POLE: variants seen among roughly 807,000 people sequenced by gnomAD.
POLE encodes DNA polymerase epsilon catalytic subunit A.
A neutral mutation model predicts 279.2 loss-of-function variants in POLE; 188 were observed. The ratio of observed to expected loss-of-function variants is 0.67; its 90% CI spans 0.60 to 0.76. The LOEUF is 0.76. POLE is among the 30% of genes least tolerant of loss of function. The pLI, the probability that POLE is intolerant of heterozygous loss-of-function variation, is 0.00. For missense variants in POLE, 2,703 were observed against 3,016.7 expected (o/e 0.90, Z 2.44); for synonymous variants, 1,214 against 1,172.5 (o/e 1.04, Z -0.72).
At chr12:132,666,059 A>G (rs1487532257) in intron 20 of POLE, among the ~76,000 whole-genome samples, 1 of 152,202 alleles carries the variant, frequency 6.6e-6, no homozygotes, top group Non-Finnish European at 1.5e-5. Flanking sequence ...ATATGACCCA[A>G]CAACTCTACT....
Position 132,675,995 on chromosome 12 carries a change from C to T in POLE, c.1020+99G>A. The T allele has an allele frequency of 2.1e-6, 2 of 947,378 alleles. No individual in the cohort carries two copies. The highest frequency in any genetic ancestry group is 2.1e-5 in the Admixed American group (1 of 46,608). The allele number at this position is 947,378 out of a possible 1,614,324, so 58.7% of individuals were successfully genotyped here. ...TACCCTGAGAACAAAGCTCATGGAG[C>T]TGCAATTCTGATCTGACGGAATGCC... On this transcript the variant is annotated intron_variant, in intron 10 of 48. Coordinates refer to ENST00000320574, the MANE Select transcript of POLE (RefSeq NM_006231.4). The surrounding 1 kb of genome is among the most constrained non-coding windows in gnomAD (Gnocchi z 4.3).
chr12:132,672,843 C>T lies in POLE; in HGVS notation c.1474-4G>A. On this transcript the variant is annotated splice_polypyrimidine_tract_variant and splice_region_variant and intron_variant, in intron 14 of 48. Coordinates refer to ENST00000320574, the MANE Select transcript of POLE (RefSeq NM_006231.4). ...TGCCAGAGCCCTTCCGCAGCACCTG[C>T]AAGAGAAACCAAGGCTTCCAGCCAA... is the stretch of plus-strand genomic sequence containing the variant. 4 of 1,611,982 alleles carry T rather than the reference C, an allele frequency of 2.5e-6. No individual in the cohort carries two copies. The highest frequency in any genetic ancestry group is 3.4e-6 in the Non-Finnish European group (4 of 1,178,840).
chr12:132,667,394 G>A, intron 20 of POLE, 109 bp downstream of exon 20: 1 of 1,125,818 alleles, frequency 8.9e-7, no homozygotes, highest in Non-Finnish European at 1.3e-6. Flanking sequence ...CCATCCGAGT[G>A]CAAGTGCCTG....
intron 43 of POLE, chr12:132,633,570 C>T (rs1183982679): frequency 1.3e-5 from 2 of 152,274 alleles, no homozygotes; most frequent in Non-Finnish European, 2.9e-5. Context: ...CAACGAAGGC[C>T]TCTGTGACCG....
At chr12:132,656,399 C>T (rs935046297) in intron 29 of POLE, among the ~76,000 whole-genome samples, 7 of 151,520 alleles carry the variant, frequency 4.6e-5, no homozygotes, top group Non-Finnish European at 5.9e-5. Flanking sequence ...CTCGCTCTGT[C>T]GCCCAGGGGA....
At chr12:132,674,797 G>A (rs888150152) in intron 12 of POLE, among the ~76,000 whole-genome samples, 3 of 151,966 alleles carry the variant, frequency 2.0e-5, no homozygotes, top group Admixed American at 1.3e-4. Context: ...TACAGAGGCC[G>A]TGGAGGCCCC....
chr12:132,669,355 T>C (rs1175000601), intron 16 of POLE, among the ~76,000 whole-genome samples: 2 of 151,780 alleles, frequency 1.3e-5, no homozygotes, highest in South Asian at 2.1e-4. Flanking sequence ...TCCCAGCTAC[T>C]CGGAACGCTG....
chr12:132,663,209 C>T (rs561416944), intron 23 of POLE, among the ~76,000 whole-genome samples: 29 of 152,272 alleles, frequency 1.9e-4, no homozygotes, highest in African/African-American at 5.1e-4. Flanking sequence ...CCTCCAGGGA[C>T]GCTTATATCC....
rs1565978171 is a variant in POLE, at chr12:132,677,706, C to T, written c.592G>A (p.Gly198Ser). ...TALLSSVLQR[G>S]GVITDEEETS... The stretch of plus-strand genomic sequence containing the variant: ...TCCTCTTCATCAGTAATGACACCGC[C>T]CCTCTGCAGAACACTAGGAATTAAC... The change falls in exon 7 of 49, where the codon GGC (glycine) becomes AGC (serine). Residue 198 changes from glycine (G) to serine (S), a missense_variant. Gly to Ser is a moderately conservative substitution (Grantham distance 56, BLOSUM62 0). Around this residue, in one of 5 missense-constraint regions of POLE, gnomAD observed 1,011 missense variants for 1,111.7 expected, o/e 0.91. Transcript: ENST00000320574. 1.2e-6 allele frequency: 2 copies of T among 1,614,076 alleles called. No homozygotes were observed. The highest frequency in any genetic ancestry group is 1.7e-6 in the Non-Finnish European group (2 of 1,179,978).
intron 29 of POLE, chr12:132,651,116 T>C (rs1314932122): frequency 6.6e-6 from 1 of 152,126 alleles, no homozygotes; most frequent in Non-Finnish European, 1.5e-5. Context: ...CCTCAAGTGA[T>C]CCACCCACCT....
At chr12:132,686,316 G>A (rs2043265144) in intron 1 of POLE, among the ~76,000 whole-genome samples, 1 of 152,062 alleles carries the variant, frequency 6.6e-6, no homozygotes, top group African/African-American at 2.4e-5. Flanking sequence ...GGAGTGCGGT[G>A]GCGCGATCCC....
At chr12:132,666,148 G>A (rs76897642) in intron 20 of POLE, among the ~76,000 whole-genome samples, 8 of 152,320 alleles carry the variant, frequency 5.3e-5, no homozygotes, top group East Asian at 3.9e-4. Context: ...AGGATTGCTC[G>A]CGACAGCCAA....
intron 32 of POLE, among the ~76,000 whole-genome samples, chr12:132,647,391 C>T (rs957942686): frequency 6.6e-6 from 1 of 151,464 alleles, no homozygotes; most frequent in African/African-American, 2.4e-5. Context: ...ACCCATTTTG[C>T]CATGCCCTAC....
intron 6 of POLE, among the ~76,000 whole-genome samples, chr12:132,678,017 A>C (rs2043095144): frequency 1.3e-5 from 2 of 152,110 alleles, no homozygotes; most frequent in Admixed American, 1.3e-4. Context: ...ATCTCTACTA[A>C]AAATACAAAA....
intron 32 of POLE, chr12:132,648,719 C>T (rs908996872): frequency 1.7e-5 from 9 of 515,456 alleles, no homozygotes; most frequent in Non-Finnish European, 3.0e-5. Context: ...GGCAGACAAG[C>T]TCATCGTGAC....
At chr12:132,679,279 C>A (rs1391855619) in intron 6 of POLE, among the ~76,000 whole-genome samples, 2 of 152,132 alleles carry the variant, frequency 1.3e-5, no homozygotes, top group African/African-American at 4.8e-5. Flanking sequence ...GCCATAAACC[C>A]ACCCCTCCAT....
At position 132,677,672 on chromosome 12, in the gene POLE, T is replaced by C. The variant is rs754559038; in HGVS notation, c.626A>G (p.Lys209Arg). The change falls in exon 7 of 49, where the codon AAG becomes AGG. Residue 209 changes from lysine (K) to arginine (R), a missense_variant. Physicochemically the swap from Lys to Arg is conservative, Grantham distance 26 (BLOSUM62 2). This residue lies in a region of POLE where 1,011 missense variants were observed against 1,111.7 expected (regional missense o/e 0.91). Coordinates refer to ENST00000320574, the MANE Select transcript of POLE (RefSeq NM_006231.4). ...GTTGTCCAACTGGTCAGCTATCTTC[T>C]TAGAGGTTTCCTCTTCATCAGTAAT... ...GVITDEEETS[K>R]KIADQLDNIV... 5.6e-6 allele frequency: 9 copies of C among 1,614,182 alleles called. No individual in the cohort carries two copies. In the South Asian group the frequency reaches 9.9e-5, roughly 18 times the overall value.
chr12:132,658,991 A>T lies in POLE; in HGVS notation c.3275+304T>A, dbSNP rs12814504. On this transcript the variant is annotated intron_variant, in intron 26 of 48. Coordinates refer to ENST00000320574, the MANE Select transcript of POLE (RefSeq NM_006231.4). ...ACCTGATTTTTGCTTTTTTCTCCAAAGTGGTTTCAAACTGTCAGTGTTGTA... is the reference window on the plus strand; with the variant it reads ...ACCTGATTTTTGCTTTTTTCTCCAATGTGGTTTCAAACTGTCAGTGTTGTA... 8.3e-4 allele frequency among the ~76,000 whole-genome samples: 126 copies of T among 151,670 alleles called. 1 individual carries two copies. In the South Asian group the frequency reaches 0.015, roughly 18 times the overall value.
In POLE at chr12:132,668,487, C is replaced by G. The variant is rs1206287735; in HGVS notation, c.2042G>C (p.Ser681Thr). The G allele has an allele frequency of 6.3e-7, 1 of 1,598,892 alleles. No individual in the cohort carries two copies. Among genetic ancestry groups the G allele is most frequent in the East Asian group, 2.2e-5 (1 of 44,660 alleles). Reference sequence around the variant, plus strand: ...CTGGTGCTGGATCCGATGGTATTCGCTGCGACTGGCTGGCACTGGGAAGGA... The same window carrying G: ...CTGGTGCTGGATCCGATGGTATTCGGTGCGACTGGCTGGCACTGGGAAGGA... ...WRGEFMPASR[S>T]EYHRIQHQLE... Residue 681 changes from serine (S) to threonine (T), a missense_variant, in exon 19 of 49, where the codon AGC becomes ACC. By Grantham distance (58) the Ser-to-Thr change is moderately conservative (BLOSUM62 1). Coordinates refer to ENST00000320574, the MANE Select transcript of POLE (RefSeq NM_006231.4). This position sits in a 1 kb window ranked among gnomAD's most constrained non-coding sequence, Gnocchi z 4.0.
Sources: allele counts gnomAD v4.1 joint callset (sites outside exome capture counted in the v4.1 genomes callset), GRCh38; gene constraint gnomAD v4.1.1; regional missense constraint gnomAD v4.1.1; non-coding constraint Gnocchi (gnomAD v3.1); transcripts MANE v1.5; gene names NCBI Gene and HGNC (gene_info 2026-07-23, HGNC 2026-07-21).